STXBP5L: variants seen among roughly 807,000 people sequenced by gnomAD.
The protein encoded by STXBP5L is syntaxin binding protein 5L, also known as syntaxin-binding protein 5-like.
Under a neutral mutation model 144.5 loss-of-function variants are expected in STXBP5L, and 65 were observed. The observed-to-expected ratio is 0.45, with a 90% CI of 0.37 to 0.55. STXBP5L has a LOEUF of 0.55. STXBP5L is among the 20% of genes least tolerant of loss of function. The pLI is 0.00. For synonymous variants in STXBP5L, 505 were observed against 469.6 expected (o/e 1.08, Z -0.97); for missense variants, 1,298 against 1,405.5 (o/e 0.92, Z 1.22).
At chr3:121,137,809 C>A (rs993344671) in intron 7 of STXBP5L, among the ~76,000 whole-genome samples, 1 of 152,016 alleles carries the variant, frequency 6.6e-6, no homozygotes, top group African/African-American at 2.4e-5. Context: ...TTGACAAGAC[C>A]CACAGCTAAC....
chr3:120,991,433 G>A (rs1309602818), intron 3 of STXBP5L, among the ~76,000 whole-genome samples: 1 of 101,374 alleles, frequency 9.9e-6, no homozygotes, highest in Non-Finnish European at 2.1e-5. Context: ...CGATTCCTCA[G>A]GGATCTAGAA....
At chr3:120,967,895 T>C (rs577851169) in intron 3 of STXBP5L, among the ~76,000 whole-genome samples, 1 of 152,344 alleles carries the variant, frequency 6.6e-6, no homozygotes, top group Admixed American at 6.5e-5. Flanking sequence ...TTAATAATTA[T>C]GATTTTGTAC....
chr3:121,136,037 C>T, intron 7 of STXBP5L, among the ~76,000 whole-genome samples: 1 of 152,070 alleles, frequency 6.6e-6, no homozygotes, highest in Middle Eastern at 3.2e-3. Context: ...GCCCTTAGGC[C>T]CTGAAGAAAC....
chr3:121,318,426 T>C (rs1472519149), intron 19 of STXBP5L, 49 bp from the exon 20 acceptor site: 2 of 1,450,452 alleles, frequency 1.4e-6, no homozygotes, highest in Non-Finnish European at 1.9e-6. Context: ...AAGAATAACC[T>C]ACAAAATGCT....
intron 7 of STXBP5L, among the ~76,000 whole-genome samples, chr3:121,138,152 TAAAC>T (rs373742498): frequency 3.1e-4 from 47 of 151,918 alleles, no homozygotes; most frequent in African/African-American, 1.1e-3. Flanking sequence ...GTGAAAGAAA[TAAAC>T]AATTCTATTT....
intron 23 of STXBP5L, among the ~76,000 whole-genome samples, chr3:121,408,926 G>A (rs975965193): frequency 1.3e-4 from 20 of 151,966 alleles, no homozygotes; most frequent in African/African-American, 4.1e-4. Flanking sequence ...CTTAGATAAC[G>A]GTTATGTTAT....
chr3:121,061,197 A>T (rs913759487), intron 5 of STXBP5L, among the ~76,000 whole-genome samples: 1 of 152,170 alleles, frequency 6.6e-6, no homozygotes, highest in Non-Finnish European at 1.5e-5. Context: ...GTTTCAAAAA[A>T]CATCTTTATT....
chr3:121,351,475 C>G (rs182874460), intron 20 of STXBP5L, among the ~76,000 whole-genome samples: 1 of 152,004 alleles, frequency 6.6e-6, no homozygotes, highest in Non-Finnish European at 1.5e-5. Context: ...AACGACTACT[C>G]TCCAGAAGTC....
At chr3:120,930,210 A>G (rs1709858284) in intron 2 of STXBP5L, among the ~76,000 whole-genome samples, 1 of 149,108 alleles carries the variant, frequency 6.7e-6, no homozygotes. Flanking sequence ...TATTTAAGCC[A>G]TCCAGACTCT....
chr3:121,036,388 A>T (rs1489415181), intron 3 of STXBP5L, among the ~76,000 whole-genome samples: 1 of 152,090 alleles, frequency 6.6e-6, no homozygotes, highest in Non-Finnish European at 1.5e-5. Flanking sequence ...GTAATATTTT[A>T]TGGCTTTCTT....
intron 3 of STXBP5L, among the ~76,000 whole-genome samples, chr3:121,014,523 A>G (rs2108159477): frequency 1.3e-5 from 2 of 152,182 alleles, no homozygotes; most frequent in Admixed American, 1.3e-4. Flanking sequence ...TAGTATACAA[A>G]TGTATAGATA....
chr3:121,194,034 A>T (rs1305207073), intron 9 of STXBP5L, among the ~76,000 whole-genome samples: 1 of 152,164 alleles, frequency 6.6e-6, no homozygotes, highest in Non-Finnish European at 1.5e-5. Flanking sequence ...TTTTATTGAA[A>T]TAAAATGACA....
chr3:121,233,851 G>A (rs2049384923), intron 12 of STXBP5L, among the ~76,000 whole-genome samples, 163 bp downstream of exon 12: 1 of 152,140 alleles, frequency 6.6e-6, no homozygotes. Flanking sequence ...AGAGGAATTT[G>A]GGAAACACTG....
At chr3:121,076,469 G>T (rs76500631) in intron 5 of STXBP5L, among the ~76,000 whole-genome samples, 15,176 of 151,970 alleles carry the variant, frequency 0.1, 955 homozygotes, top group Non-Finnish European at 0.14. Flanking sequence ...TCCTGGTTTT[G>T]TCCAGGCCAT....
chr3:121,039,139 C>T (rs564972311), intron 3 of STXBP5L, among the ~76,000 whole-genome samples: 2 of 151,742 alleles, frequency 1.3e-5, no homozygotes, highest in African/African-American at 2.4e-5. Flanking sequence ...TACCATCTTG[C>T]TCTTTGTTTT....
At chr3:121,196,430 C>T (rs1295377449) in intron 9 of STXBP5L, among the ~76,000 whole-genome samples, 1 of 152,040 alleles carries the variant, frequency 6.6e-6, no homozygotes, top group African/African-American at 2.4e-5. Flanking sequence ...TGAGCCACCG[C>T]ACCCGGCAAT....
At chr3:120,999,946 T>C (rs2108032237) in intron 3 of STXBP5L, among the ~76,000 whole-genome samples, 2 of 152,342 alleles carry the variant, frequency 1.3e-5, no homozygotes, top group Middle Eastern at 3.4e-3. Flanking sequence ...CCCCAGTCTT[T>C]TCTAGCTTAC....
rs4048752 is a variant in STXBP5L at position 121,241,376 on chromosome 3, T to TAC, written c.1400+902_1400+903dup. Among the ~76,000 whole-genome samples, 468 of 146,906 alleles carry TAC rather than the reference T, an allele frequency of 3.2e-3. 1 individual carries two copies. The highest frequency in any genetic ancestry group is 7.0e-3 in the Middle Eastern group (2 of 286). Reference sequence around the variant, plus strand: ...TAGGTTTAACAACAACACACACACATACACACACACACACACACACACACA... The same window carrying TAC: ...TAGGTTTAACAACAACACACACACATACACACACACACACACACACACACACA... On this transcript the variant is annotated intron_variant, in intron 14 of 26. Coordinates refer to ENST00000471454, the MANE Select transcript of STXBP5L (RefSeq NM_001308330.2).
intron 5 of STXBP5L, among the ~76,000 whole-genome samples, chr3:121,052,096 A>G (rs944578414): frequency 2.6e-5 from 4 of 152,208 alleles, no homozygotes; most frequent in South Asian, 4.1e-4. Context: ...TCAATAGCTT[A>G]CCAACCAAAA....
Sources: gnomAD v4.1 joint callset for allele counts (sites outside exome capture counted in the v4.1 genomes callset) on GRCh38, gnomAD v4.1.1 for gene constraint, MANE v1.5 for transcripts, NCBI Gene and HGNC (gene_info 2026-07-23, HGNC 2026-07-21) for gene names.